CDC14B: variants seen among roughly 807,000 people sequenced by gnomAD.
CDC14B encodes the protein cell division cycle 14B.
CDC14B carries 22 observed loss-of-function variants against 64.2 expected under a neutral mutation model. The observed-to-expected ratio is 0.34, with a 90% CI of 0.24 to 0.49. CDC14B has a LOEUF of 0.49. CDC14B is among the 20% of genes least tolerant of loss of function. The probability of loss-of-function intolerance (pLI) is 0.99; values close to 1 mark genes in which losing one functional copy is unlikely to be tolerated. For missense variants in CDC14B, 498 were observed against 629.9 expected (o/e 0.79, Z 2.24); for synonymous variants, 191 against 215.8 (o/e 0.89, Z 1.01).
In CDC14B at chr9:96,515,752, C is replaced by T; in HGVS notation, c.1344-5963G>A. On this transcript the variant is annotated intron_variant, in intron 12 of 13. Transcript: ENST00000375241. This position sits in a 1 kb window ranked among gnomAD's most constrained non-coding sequence, Gnocchi z 4.3. Reference sequence around the variant, plus strand: ...TAGTCACAAACAATCCACCAGATGACAACACTACACAGTGCAGAGGTCAGC... The same window carrying T: ...TAGTCACAAACAATCCACCAGATGATAACACTACACAGTGCAGAGGTCAGC... The T allele has an allele frequency of 1.2e-6, 2 of 1,606,188 alleles. No individual in the cohort carries two copies. The highest frequency in any genetic ancestry group is 2.2e-5 in the East Asian group (1 of 44,774).
intron 1 of CDC14B, among the ~76,000 whole-genome samples, chr9:96,596,863 TA>T (rs79431845): frequency 5.7e-3 from 752 of 132,454 alleles, no homozygotes; most frequent in Admixed American, 8.1e-3. Context: ...TCTCTATCTT[TA>T]AAAAAAAAAA....
intron 12 of CDC14B, among the ~76,000 whole-genome samples, chr9:96,517,643 CAAA>C (rs1016405679): frequency 2.6e-4 from 9 of 34,640 alleles, no homozygotes; most frequent in East Asian, 9.2e-4. Context: ...GACTCCGTCT[CAAA>C]AAAAAAAAAA....
At chr9:96,554,458 A>C (rs1449941527) in intron 4 of CDC14B, among the ~76,000 whole-genome samples, 1 of 152,212 alleles carries the variant, frequency 6.6e-6, no homozygotes, top group African/African-American at 2.4e-5. Context: ...CTTTCAAAGC[A>C]AAAATAGTCT....
At chr9:96,588,235 C>A (rs1007914010) in intron 1 of CDC14B, among the ~76,000 whole-genome samples, 5 of 152,076 alleles carry the variant, frequency 3.3e-5, no homozygotes, top group African/African-American at 4.8e-5. Context: ...GGGCTTTCAG[C>A]AAAGGAGTGT....
At chr9:96,536,128 A>G (rs1839229553) in intron 7 of CDC14B, among the ~76,000 whole-genome samples, 2 of 152,248 alleles carry the variant, frequency 1.3e-5, no homozygotes, top group Non-Finnish European at 2.9e-5. Context: ...TGTAGAATCA[A>G]TGAATGACAC....
At position 96,501,697 on chromosome 9, in the gene CDC14B, G is replaced by A. The variant is rs1833573107; in HGVS notation, c.*2056C>T. 1 of 152,476 alleles carries A rather than the reference G, an allele frequency of 6.6e-6. No individual in the cohort carries two copies. Among genetic ancestry groups the A allele is most frequent in the Non-Finnish European group, 1.5e-5 (1 of 68,034 alleles). 9.4% of individuals were successfully genotyped at this position (152,476 alleles called of 1,614,324 possible). On this transcript the variant is annotated 3_prime_UTR_variant, in exon 14 of 14. Coordinates refer to ENST00000375241, the MANE Select transcript of CDC14B (RefSeq NM_033331.4). ...AGAGCCACAGTGATAGCAATTCTAG[G>A]TGGAAACTTGAGCAGGCAACATGAA...
In CDC14B at chr9:96,580,391, C is replaced by T. The variant is rs1845076241; in HGVS notation, c.161-14908G>A. On this transcript the variant is annotated intron_variant, in intron 1 of 13. Coordinates refer to ENST00000375241, the MANE Select transcript of CDC14B (RefSeq NM_033331.4). ...GGATTACAAGCATGCACCACCACGC[C>T]CGGCTAATTTTGTGTTTTTAGTAGA... Among the ~76,000 whole-genome samples, 4 of 152,130 alleles carry T rather than the reference C, an allele frequency of 2.6e-5. No homozygotes were observed. In the South Asian group the frequency reaches 8.3e-4, roughly 32 times the overall value.
At chr9:96,546,625 T>C (rs1840896241) in intron 5 of CDC14B, among the ~76,000 whole-genome samples, 1 of 152,048 alleles carries the variant, frequency 6.6e-6, no homozygotes. Context: ...AATTTTTGTA[T>C]TTTTAGTAGA....
At position 96,551,137 on chromosome 9, in the gene CDC14B, A is replaced by C. The variant is rs538963421; in HGVS notation, c.497+659T>G. 2.4e-4 allele frequency among the ~76,000 whole-genome samples: 16 copies of C among 67,090 alleles called. No homozygotes were observed. In the South Asian group the frequency reaches 0.013, roughly 53 times the overall value. 44.0% of individuals were successfully genotyped at this position (67,090 alleles called of 152,430 possible). On this transcript the variant is annotated intron_variant, in intron 5 of 13. Transcript: ENST00000375241. ...TTTTTTTTTTTTTTTTTTTGAGACA[A>C]GTTATCTCTCTATTGCCCAGGCTTG...
In CDC14B at chr9:96,510,144, C is replaced by A. The variant is rs558086776; in HGVS notation, c.1344-355G>T. 5.9e-5 allele frequency among the ~76,000 whole-genome samples: 9 copies of A among 152,310 alleles called. No individual in the cohort carries two copies. In the East Asian group the frequency reaches 1.3e-3, roughly 23 times the overall value. ...TCAGACTTTCAGTCATGAAACAAGA[C>A]ACCATTAAGAGCTCAAATTCTAAAG... On this transcript the variant is annotated intron_variant, in intron 12 of 13. Coordinates refer to ENST00000375241, the MANE Select transcript of CDC14B (RefSeq NM_033331.4).
chr9:96,585,885 C>T lies in CDC14B; in HGVS notation c.161-20402G>A, dbSNP rs145492924. 3.6e-4 allele frequency among the ~76,000 whole-genome samples: 55 copies of T among 152,150 alleles called. No individual in the cohort carries two copies. The East Asian group carries it at 0.01, about 28-fold the overall frequency. ...TACATCAATAAGACAATGGATAGAC[C>T]GCATATATTCATACAAGGGAACACC... On this transcript the variant is annotated intron_variant, in intron 1 of 13. Transcript: ENST00000375241.
rs563311047 is a variant in CDC14B, at chr9:96,519,544, T to C, written c.1343+2962A>G. 3.3e-5 allele frequency among the ~76,000 whole-genome samples: 5 copies of C among 152,172 alleles called. No individual in the cohort carries two copies. In the South Asian group the frequency reaches 1.0e-3, roughly 32 times the overall value. ...TGAGGTCAGGATTTCGAGACCAGCC[T>C]GGCCAACATGGTGAAACCTTGTCTC... On this transcript the variant is annotated intron_variant, in intron 12 of 13. Transcript: ENST00000375241.
At chr9:96,604,328 T>C (rs1846708777) in intron 1 of CDC14B, among the ~76,000 whole-genome samples, 1 of 149,388 alleles carries the variant, frequency 6.7e-6, no homozygotes, top group African/African-American at 2.4e-5. Flanking sequence ...TGAAAAGGCC[T>C]CGTGAAGCTT....
At chr9:96,555,645 G>A (rs960445170) in intron 4 of CDC14B, among the ~76,000 whole-genome samples, 1 of 152,206 alleles carries the variant, frequency 6.6e-6, no homozygotes, top group African/African-American at 2.4e-5. Flanking sequence ...TGAGGCGTAA[G>A]CACAGAGATG....
intron 4 of CDC14B, 116 bp downstream of exon 4, chr9:96,562,577 A>G: frequency 1.3e-6 from 1 of 763,624 alleles, no homozygotes. Context: ...AAAGCAAAAC[A>G]CGTTCTTTCT....
Position 96,619,416 on chromosome 9 carries a change from G to A in CDC14B, c.-38C>T. 8.9e-7 allele frequency: 1 copy of A among 1,124,004 alleles called. No homozygotes were observed. The allele number at this position is 1,124,004 out of a possible 1,614,324, so 69.6% of individuals were successfully genotyped here. Reference sequence around the variant, plus strand: ...GGCCCGTCAGGGGGCCACGACCATGGCCCCGCGCGCCCGCGCGCCCGCCGA... The same window carrying A: ...GGCCCGTCAGGGGGCCACGACCATGACCCCGCGCGCCCGCGCGCCCGCCGA... On this transcript the variant is annotated 5_prime_UTR_variant, in exon 1 of 14. Coordinates refer to ENST00000375241, the MANE Select transcript of CDC14B (RefSeq NM_033331.4).
At chr9:96,547,569 T>C (rs900153032) in intron 5 of CDC14B, among the ~76,000 whole-genome samples, 3 of 152,064 alleles carry the variant, frequency 2.0e-5, no homozygotes, top group Admixed American at 2.0e-4. Context: ...TCCTCCTGCC[T>C]TAGTCTCCCA....
chr9:96,557,405 G>A (rs1017271547), intron 4 of CDC14B, among the ~76,000 whole-genome samples: 15 of 152,212 alleles, frequency 9.9e-5, no homozygotes, highest in African/African-American at 3.6e-4. Context: ...GCAGCTGTTT[G>A]CTGAACTGGA....
In CDC14B at chr9:96,523,272, C is replaced by T. The variant is rs1837026617; in HGVS notation, c.1234G>A (p.Glu412Lys). 6.2e-7 allele frequency: 1 copy of T among 1,614,000 alleles called. No individual in the cohort carries two copies. Among genetic ancestry groups the T allele is most frequent in the African/African-American group, 1.3e-5 (1 of 75,028 alleles). Residue 412 changes from glutamate (E) to lysine (K), a missense_variant, in exon 11 of 14, where the codon GAA becomes AAA. Physicochemically the swap from Glu to Lys is moderately conservative, Grantham distance 56 (BLOSUM62 1). Transcript: ENST00000375241. ...INGVENQDQQ[E>K]PEPYSDDDEI... ...AACGGCTTGATTACCGGTTCGGGTT[C>T]TTGCTGATCTTGATTCTCGACCCCA...
Sources: allele counts gnomAD v4.1 joint callset (sites outside exome capture counted in the v4.1 genomes callset), GRCh38; gene constraint gnomAD v4.1.1; non-coding constraint Gnocchi (gnomAD v3.1); transcripts MANE v1.5; gene names NCBI Gene and HGNC (gene_info 2026-07-23, HGNC 2026-07-21).